The following ZDHHC7 variants were observed in gnomAD, a reference collection of about 807,000 sequenced individuals.
The protein encoded by ZDHHC7 is zDHHC palmitoyltransferase 7, also known as palmitoyltransferase ZDHHC7.
Under a neutral mutation model 34.1 loss-of-function variants are expected in ZDHHC7, and 12 were observed. The ratio of observed to expected loss-of-function variants is 0.35; its 90% confidence interval spans 0.23 to 0.57. ZDHHC7 has a LOEUF of 0.57. Ranked by LOEUF, ZDHHC7 falls within the 20% of genes least tolerant of loss-of-function variation. The pLI is 0.84. For synonymous variants in ZDHHC7, 185 were observed against 155.4 expected (o/e 1.19, Z -1.42); for missense variants, 388 against 402.7 (o/e 0.96, Z 0.31).
chr16:84,994,291 C>G (rs1031831823), intron 2 of ZDHHC7, among the ~76,000 whole-genome samples: 1 of 152,254 alleles, frequency 6.6e-6, no homozygotes, highest in Non-Finnish European at 1.5e-5. Flanking sequence ...CCAATCACCT[C>G]CTGCTGATTT....
At chr16:84,990,049 T>G (rs999329570) in intron 3 of ZDHHC7, among the ~76,000 whole-genome samples, 1 of 152,102 alleles carries the variant, frequency 6.6e-6, no homozygotes, top group African/African-American at 2.4e-5. Flanking sequence ...AGGAACAGCC[T>G]GAAAGCCCAG....
intron 3 of ZDHHC7, among the ~76,000 whole-genome samples, chr16:84,984,485 T>C (rs142551662): frequency 2.0e-3 from 299 of 152,298 alleles, no homozygotes; most frequent in Middle Eastern, 0.01. Flanking sequence ...CGTAATTTTA[T>C]GAGCCATGCA....
intron 1 of ZDHHC7, among the ~76,000 whole-genome samples, chr16:85,000,859 T>C (rs1372987623): frequency 6.6e-6 from 1 of 152,170 alleles, no homozygotes. Context: ...TGCAAAGTGC[T>C]TTCCCCAAGT....
chr16:84,980,791 C>G, intron 4 of ZDHHC7, among the ~76,000 whole-genome samples: 1 of 152,168 alleles, frequency 6.6e-6, no homozygotes, highest in East Asian at 1.9e-4. Context: ...ACATTCCCAC[C>G]ATCCCAGAAA....
intron 1 of ZDHHC7, among the ~76,000 whole-genome samples, chr16:84,997,142 G>C (rs1195865478): frequency 1.1e-4 from 16 of 152,002 alleles, no homozygotes; most frequent in Non-Finnish European, 1.5e-5. Context: ...ACAAGGCATA[G>C]GTAAAATTCA....
chr16:85,001,212 C>T (rs189986790), intron 1 of ZDHHC7, among the ~76,000 whole-genome samples: 45 of 152,128 alleles, frequency 3.0e-4, no homozygotes, highest in African/African-American at 1.1e-3. Context: ...GCCTCATGCC[C>T]GTAATCCCAG....
upstream of ZDHHC7, among the ~76,000 whole-genome samples, chr16:85,014,947 G>A (rs2072828102): frequency 6.6e-6 from 1 of 152,090 alleles, no homozygotes; most frequent in Non-Finnish European, 1.5e-5. Context: ...CAGGTCACAG[G>A]CAGATTCAAA....
intron 3 of ZDHHC7, chr16:84,988,999 G>A: frequency 1.1e-6 from 1 of 917,488 alleles, no homozygotes; most frequent in Non-Finnish European, 1.7e-6. Context: ...GCCAAGGAAG[G>A]AGAGGGCGGA....
intron 6 of ZDHHC7, among the ~76,000 whole-genome samples, chr16:84,977,559 T>A (rs1427426795): frequency 1.3e-5 from 2 of 152,000 alleles, no homozygotes; most frequent in African/African-American, 2.4e-5. Flanking sequence ...CTCACAGGAG[T>A]CTGTTCACCA....
intron 1 of ZDHHC7, among the ~76,000 whole-genome samples, chr16:85,006,303 G>A (rs9924345): frequency 0.17 from 25,309 of 152,016 alleles, 2,156 homozygotes; most frequent in Middle Eastern, 0.21. Flanking sequence ...AGGCTGCAGT[G>A]AGCTATGACT....
chr16:85,019,711 C>G, the ZDHHC7 span, among the ~76,000 whole-genome samples: 1 of 152,134 alleles, frequency 6.6e-6, no homozygotes, highest in Non-Finnish European at 1.5e-5. Context: ...GAGCAAGACT[C>G]TGTCTCCAAT....
At chr16:85,018,798 C>T in the ZDHHC7 span, among the ~76,000 whole-genome samples, 2,656 of 152,064 alleles carry the variant, frequency 0.017, 80 homozygotes, top group African/African-American at 0.06. Flanking sequence ...GAGAGAAACT[C>T]GCAAAGGTTA....
At chr16:84,991,125 T>C (rs941568531) in intron 2 of ZDHHC7, among the ~76,000 whole-genome samples, 1 of 152,204 alleles carries the variant, frequency 6.6e-6, no homozygotes, top group Non-Finnish European at 1.5e-5. Context: ...CTATTCATCT[T>C]TACACCGCCT....
intron 2 of ZDHHC7, among the ~76,000 whole-genome samples, chr16:84,992,152 T>G (rs2072518273): frequency 1.5e-5 from 2 of 131,366 alleles, no homozygotes; most frequent in African/African-American, 6.2e-5. Flanking sequence ...CTGGACTCAG[T>G]CTCAAAAAAA....
intron 1 of ZDHHC7, among the ~76,000 whole-genome samples, chr16:84,996,708 A>C (rs1444206301): frequency 6.6e-6 from 1 of 152,172 alleles, no homozygotes; most frequent in East Asian, 1.9e-4. Flanking sequence ...AGAGGTTCCA[A>C]GTGCTTGTCG....
chr16:84,986,158 C>T (rs947483135), intron 3 of ZDHHC7, among the ~76,000 whole-genome samples: 7 of 152,078 alleles, frequency 4.6e-5, no homozygotes, highest in East Asian at 1.9e-4. Context: ...GGGAGGGGAA[C>T]GGCGTGGGCG....
At chr16:85,019,037 G>A in the ZDHHC7 span, among the ~76,000 whole-genome samples, 1 of 152,166 alleles carries the variant, frequency 6.6e-6, no homozygotes, top group South Asian at 2.1e-4. Flanking sequence ...TGGAGGTAGG[G>A]TGCTTGGCAA....
chr16:84,996,533 C>G (rs1169454889), intron 1 of ZDHHC7, among the ~76,000 whole-genome samples: 1 of 152,054 alleles, frequency 6.6e-6, no homozygotes, highest in Non-Finnish European at 1.5e-5. Context: ...CGTAGCTCCC[C>G]GAACCCTGAC....
upstream of ZDHHC7, among the ~76,000 whole-genome samples, chr16:85,015,790 T>A (rs548439129): frequency 5.3e-5 from 8 of 150,096 alleles, no homozygotes; most frequent in South Asian, 1.5e-3. Context: ...AGGCTGATCA[T>A]CCCACCACTG....
Sources: allele counts gnomAD v4.1 joint callset (sites outside exome capture counted in the v4.1 genomes callset), GRCh38; gene constraint gnomAD v4.1.1; transcripts MANE v1.5; gene names NCBI Gene and HGNC (gene_info 2026-07-23, HGNC 2026-07-21).